The following NINL variants were observed in gnomAD, a reference collection of about 807,000 sequenced individuals.
The protein encoded by NINL is ninein-like protein.
Under a neutral mutation model 160.3 loss-of-function variants are expected in NINL, and 153 were observed. The ratio of observed to expected loss-of-function variants is 0.95; its 90% CI spans 0.84 to 1.09. The LOEUF (loss-of-function observed/expected upper bound fraction) is 1.09, where lower values mean the gene tolerates loss of function less well. NINL is among the 50% of genes least tolerant of loss of function. The pLI is 0.00. For missense variants in NINL, 1,829 were observed against 1,764.0 expected (o/e 1.04, Z -0.66); for synonymous variants, 800 against 734.8 (o/e 1.09, Z -1.43).
chr20:25,461,658 A>T (rs1451857962), intron 20 of NINL, 23 bp from the exon 21 acceptor site: 5 of 1,463,132 alleles, frequency 3.4e-6, no homozygotes, highest in Non-Finnish European at 4.8e-6. Context: ...AATCAATTGC[A>T]CAAGTCAAGA....
intron 5 of NINL, among the ~76,000 whole-genome samples, chr20:25,507,531 C>G (rs536800368): frequency 6.6e-6 from 1 of 152,346 alleles, no homozygotes; most frequent in South Asian, 2.1e-4. Flanking sequence ...TTCCTCTATG[C>G]CTCATCCACA....
At position 25,481,948 on chromosome 20, in the gene NINL, T is replaced by C. The variant is rs778500026; in HGVS notation, c.1810+20A>G. On this transcript the variant is annotated intron_variant, in intron 14 of 23. Transcript: ENST00000278886. The stretch of plus-strand genomic sequence containing the variant: ...AACAGCAGGCCTTGGGTCAGCCCCC[T>C]CCCAGGGACGGGCTCCTACCTGCTG... 6.3e-7 allele frequency: 1 copy of C among 1,592,554 alleles called. No individual in the cohort carries two copies. The highest frequency in any genetic ancestry group is 1.3e-5 in the African/African-American group (1 of 74,792).
Position 25,562,269 on chromosome 20 carries a change from C to T in NINL, c.-12+23186G>A, listed in dbSNP as rs1420995045. Reference sequence around the variant, plus strand: ...CTGGGAAGTGAGGAGCCCCTCTGCCCGGCCACCACCCCGTCTGGGAGGTGT... The same window carrying T: ...CTGGGAAGTGAGGAGCCCCTCTGCCTGGCCACCACCCCGTCTGGGAGGTGT... On this transcript the variant is annotated intron_variant, in intron 1 of 23. Coordinates refer to ENST00000278886, the MANE Select transcript of NINL (RefSeq NM_025176.6). Among the ~76,000 whole-genome samples, 314 of 93,924 alleles carry T rather than the reference C, an allele frequency of 3.3e-3. 21 individuals carry two copies. The highest frequency in any genetic ancestry group is 0.011 in the African/African-American group (269 of 23,440). 61.6% of individuals were successfully genotyped at this position (93,924 alleles called of 152,430 possible).
At chr20:25,580,764 G>A (rs1242765824) in intron 1 of NINL, among the ~76,000 whole-genome samples, 1 of 152,252 alleles carries the variant, frequency 6.6e-6, no homozygotes, top group Non-Finnish European at 1.5e-5. Flanking sequence ...CAAGGTGGGA[G>A]AAGGAAAGCC....
At chr20:25,468,274 A>C in intron 18 of NINL, among the ~76,000 whole-genome samples, 1 of 130,798 alleles carries the variant, frequency 7.6e-6, no homozygotes. Context: ...ACTGACAGGC[A>C]CCCCCCTGCT....
At chr20:25,455,494 T>A (rs534983212) in intron 23 of NINL, among the ~76,000 whole-genome samples, 179 bp downstream of exon 23, 8 of 152,324 alleles carry the variant, frequency 5.3e-5, no homozygotes, top group Non-Finnish European at 8.8e-5. Context: ...GGACAGATCT[T>A]AAAACCATTC....
At chr20:25,505,177 G>C (rs574917907) in intron 5 of NINL, 99 bp from the exon 6 acceptor site, 247 of 1,117,706 alleles carry the variant, frequency 2.2e-4, no homozygotes, top group Non-Finnish European at 3.0e-4. Context: ...CCAACAGCGT[G>C]AATGAATGTG....
At chr20:25,460,127 G>A (rs752468782) in intron 21 of NINL, among the ~76,000 whole-genome samples, 5 of 152,036 alleles carry the variant, frequency 3.3e-5, no homozygotes, top group Non-Finnish European at 7.4e-5. Context: ...TGGCCTCTGG[G>A]GCCTTCCTCC....
chr20:25,526,540 GTAGACTT>G lies in NINL; in HGVS notation c.41_47del (p.Glu14AlafsTer17), dbSNP rs1345207512. 2 of 1,614,216 alleles carry G rather than the reference GTAGACTT, an allele frequency of 1.2e-6. No homozygotes were observed. The highest frequency in any genetic ancestry group is 1.7e-5 in the Admixed American group (1 of 60,022). On this transcript the variant is annotated frameshift_variant, in exon 2 of 24. Transcript: ENST00000278886. LOFTEE classifies it high-confidence loss of function. ...CAGTCCCCGTGGTGTCGCAGCTGCT[GTAGACTT>G]CCCTGAGCTGCGAGACATAGTGGTT...
At chr20:25,569,858 G>A (rs1322727922) in intron 1 of NINL, among the ~76,000 whole-genome samples, 2 of 152,120 alleles carry the variant, frequency 1.3e-5, no homozygotes, top group Non-Finnish European at 2.9e-5. Flanking sequence ...GCTTTCTCAG[G>A]AGCCTCGCTG....
intron 22 of NINL, among the ~76,000 whole-genome samples, chr20:25,457,767 TA>T (rs1568828292): frequency 6.6e-6 from 1 of 152,228 alleles, no homozygotes; most frequent in Non-Finnish European, 1.5e-5. Flanking sequence ...ACTTTTGAAT[TA>T]AACTCCTGCA....
chr20:25,475,327 A>C (rs1349228511), intron 17 of NINL, among the ~76,000 whole-genome samples: 1 of 152,128 alleles, frequency 6.6e-6, no homozygotes, highest in Non-Finnish European at 1.5e-5. Flanking sequence ...GAATTCTACC[A>C]CTTAAAAAAG....
At chr20:25,459,444 C>T (rs1055222181) in intron 21 of NINL, among the ~76,000 whole-genome samples, 11 of 152,202 alleles carry the variant, frequency 7.2e-5, no homozygotes, top group African/African-American at 2.7e-4. Context: ...CCACATTTTC[C>T]AGGCCCTGGA....
chr20:25,504,885 C>T lies in NINL; in HGVS notation c.708+3G>A, dbSNP rs745752905. ...TGGCTGGGTGGCCTGCTGTGCCCCT[C>T]ACCTCTTTCTCGAGTCCCTGGAGCC... On this transcript the variant is annotated splice_donor_region_variant and intron_variant, in intron 6 of 23. Transcript: ENST00000278886. 3 of 1,610,326 alleles carry T rather than the reference C, an allele frequency of 1.9e-6. No individual in the cohort carries two copies. In the South Asian group the frequency reaches 3.3e-5, roughly 18 times the overall value.
At chr20:25,495,243 A>C (rs913299968) in intron 10 of NINL, among the ~76,000 whole-genome samples, 1 of 152,208 alleles carries the variant, frequency 6.6e-6, no homozygotes, top group Non-Finnish European at 1.5e-5. Context: ...TTCAGCCCGC[A>C]GTGCAGCTGG....
At chr20:25,523,398 C>T (rs2064297967) in intron 2 of NINL, among the ~76,000 whole-genome samples, 2 of 151,992 alleles carry the variant, frequency 1.3e-5, no homozygotes, top group Non-Finnish European at 2.9e-5. Context: ...ATTACAGGTG[C>T]ATGCCACCAC....
intron 1 of NINL, among the ~76,000 whole-genome samples, chr20:25,566,671 G>C (rs184958352): frequency 1.1e-4 from 17 of 152,326 alleles, no homozygotes; most frequent in African/African-American, 3.8e-4. Flanking sequence ...ACTCATGCCT[G>C]TAATCCCAGT....
chr20:25,473,764 A>G (rs1372819676), intron 17 of NINL, among the ~76,000 whole-genome samples: 1 of 151,914 alleles, frequency 6.6e-6, no homozygotes, highest in Non-Finnish European at 1.5e-5. Flanking sequence ...GCTACTTGGG[A>G]GGCTGATGCA....
intron 11 of NINL, 75 bp downstream of exon 11, chr20:25,491,276 C>T (rs1353848977): frequency 1.3e-6 from 2 of 1,512,258 alleles, no homozygotes; most frequent in Non-Finnish European, 1.8e-6. Flanking sequence ...TCTGGATCCT[C>T]AACCAGGATG....
Sources: gnomAD v4.1 joint callset for allele counts (sites outside exome capture counted in the v4.1 genomes callset) on GRCh38, gnomAD v4.1.1 for gene constraint, MANE v1.5 for transcripts, NCBI Gene and HGNC (gene_info 2026-07-23, HGNC 2026-07-21) for gene names.